LOC400499: variants seen among roughly 807,000 people sequenced by gnomAD.
At chr16:11,513,471 G>A in the LOC400499 span, among the ~76,000 whole-genome samples, 256 of 151,056 alleles carry the variant, frequency 1.7e-3, 1 homozygote, top group Non-Finnish European at 8.6e-4. Flanking sequence ...TTACTCTATC[G>A]CCCAGGCTGA....
chr16:11,376,116 C>G, the LOC400499 span, among the ~76,000 whole-genome samples: 4 of 152,148 alleles, frequency 2.6e-5, no homozygotes, highest in African/African-American at 7.2e-5. Context: ...ATGGGAACTC[C>G]TTATCAGATA....
At chr16:11,450,549 C>T in the LOC400499 span, 24 of 1,497,884 alleles carry the variant, frequency 1.6e-5, no homozygotes, top group Non-Finnish European at 2.1e-5. Flanking sequence ...CGCCTCTGCA[C>T]CAGAAAAAGA....
the LOC400499 span, chr16:11,402,225 G>A: frequency 2.5e-6 from 1 of 398,956 alleles, no homozygotes; most frequent in African/African-American, 2.1e-5. Flanking sequence ...CCAGGCCCAA[G>A]GGGGTTCAGG....
chr16:11,508,463 G>C, the LOC400499 span, among the ~76,000 whole-genome samples: 1 of 152,350 alleles, frequency 6.6e-6, no homozygotes, highest in East Asian at 1.9e-4. Context: ...CTCGTAGACA[G>C]ACAGAGGAGA....
At chr16:11,458,039 C>T in the LOC400499 span, among the ~76,000 whole-genome samples, 751 of 151,604 alleles carry the variant, frequency 5.0e-3, 4 homozygotes, top group African/African-American at 0.017. Context: ...CCTGTCTCTA[C>T]GAAAAATACA....
chr16:11,478,522 G>T, the LOC400499 span: 3 of 399,080 alleles, frequency 7.5e-6, no homozygotes, highest in Non-Finnish European at 1.3e-5. Context: ...GGGGCAGGGA[G>T]GAGCTACCTT....
the LOC400499 span, among the ~76,000 whole-genome samples, chr16:11,375,955 T>C: frequency 6.6e-6 from 1 of 152,130 alleles, no homozygotes; most frequent in African/African-American, 2.4e-5. Flanking sequence ...TTGAGGCTGG[T>C]CTCGAACGCC....
the LOC400499 span, chr16:11,487,346 G>A: frequency 8.8e-5 from 35 of 399,584 alleles, no homozygotes; most frequent in South Asian, 3.7e-3. Context: ...CAGGAGAGAA[G>A]AGAAGGGTCC....
At chr16:11,443,217 G>C in the LOC400499 span, among the ~76,000 whole-genome samples, 1 of 151,260 alleles carries the variant, frequency 6.6e-6, no homozygotes, top group Admixed American at 6.6e-5. Flanking sequence ...CCAGCTACTC[G>C]GGAGGCTGAG....
the LOC400499 span, among the ~76,000 whole-genome samples, chr16:11,400,333 C>T: frequency 1.3e-5 from 2 of 152,166 alleles, no homozygotes; most frequent in African/African-American, 2.4e-5. Context: ...CTCTCAAGCC[C>T]GGCTCCTTCC....
At chr16:11,441,006 T>G in the LOC400499 span, 6 of 398,978 alleles carry the variant, frequency 1.5e-5, no homozygotes, top group East Asian at 2.1e-4. Flanking sequence ...TCTGTCATGA[T>G]GCAAACCCTT....
chr16:11,397,758 GGAGGGAGGGAGGGAT>G, the LOC400499 span, among the ~76,000 whole-genome samples: 93 of 35,802 alleles, frequency 2.6e-3, 1 homozygote, highest in African/African-American at 3.6e-3. Context: ...AGGGAGGGAT[GGAGGGAGGGAGGGAT>G]GGAGGGAGGG....
At chr16:11,404,866 G>A in the LOC400499 span, 2 of 398,866 alleles carry the variant, frequency 5.0e-6, no homozygotes, top group African/African-American at 4.1e-5. Flanking sequence ...AGAGCGCTGA[G>A]CTGGAAGAGA....
At chr16:11,471,711 T>C in the LOC400499 span, 9 of 398,992 alleles carry the variant, frequency 2.3e-5, no homozygotes, top group Non-Finnish European at 1.3e-5. Flanking sequence ...CCGGGTCCCG[T>C]TTCTGCAGCG....
At chr16:11,484,557 CA>C in the LOC400499 span, among the ~76,000 whole-genome samples, 2 of 152,120 alleles carry the variant, frequency 1.3e-5, no homozygotes, top group African/African-American at 4.8e-5. Context: ...TGGGTATTAA[CA>C]AGAACAGGAG....
At chr16:11,397,773 TGGAGGGAG>T in the LOC400499 span, among the ~76,000 whole-genome samples, 6 of 34,684 alleles carry the variant, frequency 1.7e-4, no homozygotes, top group Non-Finnish European at 2.1e-4. Context: ...GAGGGAGGGA[TGGAGGGAG>T]GGAGGGAGGG....
chr16:11,392,527 TG>T, the LOC400499 span: 3 of 398,902 alleles, frequency 7.5e-6, no homozygotes, highest in East Asian at 1.1e-4. Context: ...GACCTGCTGG[TG>T]CCCCCACCAT....
the LOC400499 span, chr16:11,488,615 C>T: frequency 2.3e-5 from 9 of 395,112 alleles, no homozygotes; most frequent in African/African-American, 6.2e-5. Context: ...CTTGACACAA[C>T]GTCTGATCCA....
chr16:11,387,017 C>G, the LOC400499 span: 1 of 989,120 alleles, frequency 1.0e-6, no homozygotes, highest in Non-Finnish European at 1.3e-6. Context: ...CTGGGCCTGG[C>G]ACTGTGATGC....
Sources: gnomAD v4.1 joint callset for allele counts (sites outside exome capture counted in the v4.1 genomes callset) on GRCh38, gnomAD v4.1.1 for gene constraint, MANE v1.5 for transcripts.